Variants in ASTN2 observed in about 807,000 individuals in gnomAD.
The protein encoded by ASTN2 is astrotactin 2, also known as astrotactin-2.
ASTN2 carries 54 observed loss-of-function variants against 139.8 expected under a neutral mutation model. That is an observed-to-expected ratio of 0.39 (90% CI 0.31 to 0.48). The LOEUF is 0.48. ASTN2 is among the 20% of genes least tolerant of loss of function. The probability of loss-of-function intolerance (pLI) is 0.95; values close to 1 mark genes in which losing one functional copy is unlikely to be tolerated. For missense variants in ASTN2, 1,565 were observed against 1,725.1 expected, an observed-to-expected ratio of 0.91 and a Z score of 1.64; for synonymous variants, 756 against 719.5, an observed-to-expected ratio of 1.05 and a Z score of -0.81.
intron 19 of ASTN2, among the ~76,000 whole-genome samples, chr9:116,530,244 A>C (rs1851286944): frequency 6.7e-6 from 1 of 149,918 alleles, no homozygotes; most frequent in East Asian, 2.0e-4. Flanking sequence ...GAAATAAGCT[A>C]GGTACTGAAA....
intron 5 of ASTN2, among the ~76,000 whole-genome samples, chr9:117,089,563 G>A (rs1473990623): frequency 6.6e-6 from 1 of 151,696 alleles, no homozygotes; most frequent in African/African-American, 2.4e-5. Context: ...TTGGGGTACA[G>A]GTGGTATTTG....
At position 116,591,106 on chromosome 9, in the gene ASTN2, C is replaced by T. The variant is rs141989106; in HGVS notation, c.3355+27218G>A. 3.4e-3 allele frequency among the ~76,000 whole-genome samples: 513 copies of T among 152,332 alleles called. 1 individual carries two copies. The highest frequency in any genetic ancestry group is 0.012 in the African/African-American group (500 of 41,584). On this transcript the variant is annotated intron_variant, in intron 19 of 22. Coordinates refer to ENST00000313400, the MANE Select transcript of ASTN2 (RefSeq NM_001365068.1). ...AACACAAACAGGGTTGAAAGACACCCCTTGCTCACCACATTGCAGGCAATG... is the reference window on the plus strand; with the variant it reads ...AACACAAACAGGGTTGAAAGACACCTCTTGCTCACCACATTGCAGGCAATG...
chr9:116,953,684 G>A (rs1835629261), intron 10 of ASTN2, among the ~76,000 whole-genome samples: 1 of 152,162 alleles, frequency 6.6e-6, no homozygotes, highest in South Asian at 2.1e-4. Context: ...CCTGTATTGA[G>A]CATCTCCTGA....
chr9:116,497,706 T>C (rs1250503220), intron 19 of ASTN2, among the ~76,000 whole-genome samples: 3 of 151,952 alleles, frequency 2.0e-5, no homozygotes, highest in Non-Finnish European at 4.4e-5. Flanking sequence ...GAAAGCTGAT[T>C]TGGGGACCAG....
At chr9:116,976,911 G>C (rs370327687) in intron 7 of ASTN2, 126 bp from the exon 8 acceptor site, 66 of 733,950 alleles carry the variant, frequency 9.0e-5, no homozygotes, top group African/African-American at 8.6e-4. Flanking sequence ...CATGGAAAGA[G>C]GGTAATCTTG....
At chr9:116,489,331 T>TTTAATC (rs1336450805) in intron 19 of ASTN2, among the ~76,000 whole-genome samples, 1 of 151,998 alleles carries the variant, frequency 6.6e-6, no homozygotes, top group Non-Finnish European at 1.5e-5. Context: ...TTATTTATTT[T>TTTAATC]TTAATTTTAA....
chr9:116,810,881 G>T (rs1165168243), intron 12 of ASTN2, among the ~76,000 whole-genome samples: 2 of 151,938 alleles, frequency 1.3e-5, no homozygotes, highest in Non-Finnish European at 2.9e-5. Flanking sequence ...CTTATTATCT[G>T]CCTATTTAGA....
At chr9:117,027,661 T>C (rs1443278640) in intron 6 of ASTN2, among the ~76,000 whole-genome samples, 1 of 152,222 alleles carries the variant, frequency 6.6e-6, no homozygotes, top group Non-Finnish European at 1.5e-5. Flanking sequence ...CTTGAAGCTT[T>C]ACCCAGATCT....
At chr9:116,864,504 T>C (rs1277354700) in intron 10 of ASTN2, among the ~76,000 whole-genome samples, 2 of 152,334 alleles carry the variant, frequency 1.3e-5, no homozygotes, top group South Asian at 2.1e-4. Context: ...CAACATTTTA[T>C]GAGATGGAAT....
At chr9:116,851,471 C>CATCTATCTATCTATCTATCTATCT (rs58927400) in intron 11 of ASTN2, among the ~76,000 whole-genome samples, 1 of 148,882 alleles carries the variant, frequency 6.7e-6, no homozygotes, top group Non-Finnish European at 1.5e-5. Flanking sequence ...AATTGCTAAA[C>CATCTATCTATCTATCTATCTATCT]ATCTATCTAT....
intron 4 of ASTN2, among the ~76,000 whole-genome samples, chr9:117,134,266 T>TTATATATATATATATATATA (rs5900267): frequency 1.1e-5 from 1 of 92,618 alleles, no homozygotes; most frequent in African/African-American, 5.1e-5. Context: ...CTAATGAAAA[T>TTATATATATATATATATATA]TATATATATA....
In ASTN2 at chr9:117,134,844, C is replaced by T. The variant is rs114768241; in HGVS notation, c.1168+6482G>A. Among the ~76,000 whole-genome samples the T allele has an allele frequency of 6.8e-3, 1,035 of 152,272 alleles. 11 individuals carry two copies. Among genetic ancestry groups the T allele is most frequent in the African/African-American group, 0.023 (976 of 41,556 alleles). ...CGAGATCTAGTTGGCATATACCACA[C>T]ACATGTGGCAAACTAAAAACATTGA... On this transcript the variant is annotated intron_variant, in intron 4 of 22. Coordinates refer to ENST00000313400, the MANE Select transcript of ASTN2 (RefSeq NM_001365068.1).
chr9:117,023,401 C>A (rs1588489529), intron 6 of ASTN2, among the ~76,000 whole-genome samples: 1 of 152,158 alleles, frequency 6.6e-6, no homozygotes, highest in Non-Finnish European at 1.5e-5. Flanking sequence ...TACCACACAA[C>A]TTCACATGTT....
Position 116,556,652 on chromosome 9 carries a change from C to T in ASTN2, c.3355+61672G>A, listed in dbSNP as rs186255163. ...AGAGGTTGACAATGACTCAATTTGA[C>T]GATGACCAATATTCCTTCTAGCTCT... On this transcript the variant is annotated intron_variant, in intron 19 of 22. Transcript: ENST00000313400. Among the ~76,000 whole-genome samples, 8 of 152,238 alleles carry T rather than the reference C, an allele frequency of 5.3e-5. No homozygotes were observed. The East Asian group carries it at 5.8e-4, about 11-fold the overall frequency.
intron 13 of ASTN2, among the ~76,000 whole-genome samples, chr9:116,766,684 C>T (rs568930584): frequency 2.0e-5 from 3 of 152,240 alleles, no homozygotes; most frequent in African/African-American, 7.2e-5. Flanking sequence ...CACATTCACA[C>T]TCACACATTC....
intron 1 of ASTN2, among the ~76,000 whole-genome samples, chr9:117,409,544 T>A (rs1349416276): frequency 6.6e-6 from 1 of 152,226 alleles, no homozygotes. Context: ...CACAGCCTCC[T>A]GTAGGGCTCA....
intron 20 of ASTN2, among the ~76,000 whole-genome samples, chr9:116,451,277 T>C (rs1247097821): frequency 6.6e-6 from 1 of 152,208 alleles, no homozygotes; most frequent in East Asian, 1.9e-4. Flanking sequence ...ATAATTATAG[T>C]ATTAACACTT....
chr9:116,435,017 G>C (rs973016802), intron 22 of ASTN2, among the ~76,000 whole-genome samples: 1 of 152,204 alleles, frequency 6.6e-6, no homozygotes, highest in Admixed American at 6.5e-5. Context: ...AGTCCTCAAA[G>C]TACTCCTGGA....
chr9:116,528,400 C>T (rs544926901), intron 19 of ASTN2, among the ~76,000 whole-genome samples: 2 of 152,248 alleles, frequency 1.3e-5, no homozygotes, highest in South Asian at 4.1e-4. Context: ...CAAGAAATGA[C>T]CTGACTTTTT....
Sources: allele counts gnomAD v4.1 joint callset (sites outside exome capture counted in the v4.1 genomes callset), GRCh38; gene constraint gnomAD v4.1.1; transcripts MANE v1.5; gene names NCBI Gene and HGNC (gene_info 2026-07-23, HGNC 2026-07-21).